The following RTN4 variants were observed in gnomAD, a reference collection of about 807,000 sequenced individuals.
RTN4 encodes reticulon 4, also known as reticulon-4.
RTN4 carries 32 observed loss-of-function variants against 90.4 expected under a neutral mutation model. That is an observed-to-expected ratio of 0.35 (90% CI 0.27 to 0.48). The LOEUF (loss-of-function observed/expected upper bound fraction) is 0.48, where lower values mean the gene tolerates loss of function less well. Ranked by LOEUF, RTN4 falls within the 20% of genes least tolerant of loss-of-function variation. The pLI, the probability that RTN4 is intolerant of heterozygous loss-of-function variation, is 0.99. For missense variants in RTN4, 1,706 were observed against 1,430.2 expected, an observed-to-expected ratio of 1.19 and a Z score of -3.11; for synonymous variants, 629 against 552.5, an observed-to-expected ratio of 1.14 and a Z score of -1.94.
chr2:55,004,589 AT>A (rs1680075030), intron 3 of RTN4, among the ~76,000 whole-genome samples: 1 of 152,204 alleles, frequency 6.6e-6, no homozygotes, highest in Non-Finnish European at 1.5e-5. Flanking sequence ...CCTTTTTCTA[AT>A]TGCTCCCACT....
At chr2:55,007,366 C>T (rs1680304231) in intron 3 of RTN4, among the ~76,000 whole-genome samples, 2 of 152,078 alleles carry the variant, frequency 1.3e-5, no homozygotes, top group African/African-American at 4.8e-5. Context: ...CACCCTAAAC[C>T]AACTGCTATC....
chr2:55,099,293 G>A (rs540366408), intron 1 of RTN4, among the ~76,000 whole-genome samples: 1 of 152,150 alleles, frequency 6.6e-6, no homozygotes, highest in East Asian at 1.9e-4. Flanking sequence ...GCATCATTAT[G>A]GACTCATAGA....
chr2:55,039,536 T>TC (rs1682921475), intron 1 of RTN4, among the ~76,000 whole-genome samples: 1 of 152,298 alleles, frequency 6.6e-6, no homozygotes, highest in East Asian at 1.9e-4. Flanking sequence ...CACCAGCACT[T>TC]TGGGGGGCCG....
At chr2:55,079,650 T>C (rs746158109) in intron 2 of RTN4, among the ~76,000 whole-genome samples, 13 of 152,156 alleles carry the variant, frequency 8.5e-5, no homozygotes, top group Admixed American at 2.6e-4. Flanking sequence ...ACTATACTCA[T>C]AGGACAAAAT....
chr2:55,091,261 G>C (rs762238164), intron 1 of RTN4, among the ~76,000 whole-genome samples: 7 of 152,158 alleles, frequency 4.6e-5, no homozygotes, highest in African/African-American at 7.2e-5. Flanking sequence ...CCACGTGATT[G>C]GGCCGTGTTT....
At chr2:55,009,990 C>T (rs1317685916) in intron 3 of RTN4, 6 of 1,408,988 alleles carry the variant, frequency 4.3e-6, no homozygotes, top group Non-Finnish European at 5.9e-6. Context: ...AGAGGTTTCA[C>T]TTTCAATCCA....
intron 2 of RTN4, among the ~76,000 whole-genome samples, chr2:55,063,946 C>G (rs1407924939): frequency 6.6e-6 from 1 of 151,950 alleles, no homozygotes; most frequent in East Asian, 1.9e-4. Flanking sequence ...GCAGGCCAAG[C>G]GCAGTGGCTC....
intron 1 of RTN4, among the ~76,000 whole-genome samples, chr2:55,091,548 C>T (rs1276984972): frequency 1.3e-5 from 2 of 152,204 alleles, no homozygotes; most frequent in African/African-American, 4.8e-5. Context: ...TAAGCTCAGG[C>T]CAGCTGCAGT....
Position 55,049,780 on chromosome 2 carries a change from G to A in RTN4, c.521C>T (p.Ala174Val), listed in dbSNP as rs1241266654. The A allele has an allele frequency of 8.3e-6, 11 of 1,321,108 alleles. No individual in the cohort carries two copies. Among genetic ancestry groups the A allele is most frequent in the Non-Finnish European group, 1.1e-5 (11 of 1,037,528 alleles). 81.8% of individuals were successfully genotyped at this position (1,321,108 alleles called of 1,614,324 possible). Residue 174 changes from alanine (A) to valine (V), a missense_variant, in exon 1 of 9, where the codon GCC becomes GTC. Physicochemically the swap from Ala to Val is moderately conservative, Grantham distance 64 (BLOSUM62 0). Coordinates refer to ENST00000337526, the MANE Select transcript of RTN4 (RefSeq NM_020532.5). ...PAPAAPPSTP[A>V]APKRRGSSGS... ...CGAGGAGCCCCTGCGCTTGGGCGCG[G>A]CCGGGGTGGAGGGGGGCGCGGCGGG...
chr2:54,993,275 C>T (rs553057828), intron 3 of RTN4, among the ~76,000 whole-genome samples: 1 of 152,090 alleles, frequency 6.6e-6, no homozygotes, highest in East Asian at 1.9e-4. Context: ...AAAAAATTCA[C>T]CCCATTCTGT....
chr2:55,001,778 A>T (rs1679866985), intron 3 of RTN4, among the ~76,000 whole-genome samples: 1 of 152,212 alleles, frequency 6.6e-6, no homozygotes. Flanking sequence ...TACATTTTTA[A>T]ACCACTGAAC....
chr2:55,056,148 A>T (rs1315582163), intron 2 of RTN4, among the ~76,000 whole-genome samples: 2 of 152,114 alleles, frequency 1.3e-5, no homozygotes, highest in African/African-American at 4.8e-5. Context: ...ATAAGTTTTA[A>T]ATTGTGTTCT....
At chr2:55,120,328 G>C in the RTN4 span, among the ~76,000 whole-genome samples, 1 of 152,160 alleles carries the variant, frequency 6.6e-6, no homozygotes, top group African/African-American at 2.4e-5. Flanking sequence ...CAGCTCACCA[G>C]GGTGGGCACA....
chr2:55,024,093 T>G (rs1193645862), intron 3 of RTN4, among the ~76,000 whole-genome samples: 1 of 152,154 alleles, frequency 6.6e-6, no homozygotes, highest in East Asian at 1.9e-4. Flanking sequence ...AATTTGTATC[T>G]TCCCTCTTAA....
At chr2:54,973,377 T>TAAAC (rs552980284) in intron 8 of RTN4, 179 bp from the exon 9 acceptor site, 5 of 758,844 alleles carry the variant, frequency 6.6e-6, no homozygotes, top group African/African-American at 3.5e-5. Flanking sequence ...AACAAAGCCT[T>TAAAC]AAACACATAA....
intron 1 of RTN4, among the ~76,000 whole-genome samples, chr2:55,034,917 A>G (rs1245814809): frequency 1.3e-5 from 2 of 152,192 alleles, no homozygotes; most frequent in African/African-American, 4.8e-5. Context: ...AGGTGGTATA[A>G]TATTCTTGCT....
At chr2:54,984,708 C>T (rs1031232373) in intron 4 of RTN4, among the ~76,000 whole-genome samples, 2 of 152,212 alleles carry the variant, frequency 1.3e-5, no homozygotes, top group Non-Finnish European at 2.9e-5. Context: ...AATATCACCT[C>T]TACTAGTATG....
intron 2 of RTN4, among the ~76,000 whole-genome samples, chr2:55,079,846 G>C (rs1458599414): frequency 6.6e-6 from 1 of 152,190 alleles, no homozygotes; most frequent in African/African-American, 2.4e-5. Context: ...TAGTGGTTAA[G>C]AGCACAGACT....
intron 2 of RTN4, among the ~76,000 whole-genome samples, chr2:55,063,464 G>C (rs1046236769): frequency 3.3e-5 from 5 of 152,060 alleles, no homozygotes; most frequent in Admixed American, 6.6e-5. Context: ...GACACCAGAT[G>C]GTGGGGGAGA....
Sources: allele counts gnomAD v4.1 joint callset (sites outside exome capture counted in the v4.1 genomes callset), GRCh38; gene constraint gnomAD v4.1.1; transcripts MANE v1.5; gene names NCBI Gene and HGNC (gene_info 2026-07-23, HGNC 2026-07-21).